KCNIP4: variants seen among roughly 807,000 people sequenced by gnomAD.
The protein encoded by KCNIP4 is potassium voltage-gated channel interacting protein 4.
KCNIP4 carries 12 observed loss-of-function variants against 34.0 expected under a neutral mutation model. That is an observed-to-expected ratio of 0.35 (90% CI 0.23 to 0.57). The LOEUF is 0.57. KCNIP4 is among the 20% of genes least tolerant of loss of function. The probability of loss-of-function intolerance (pLI) is 0.83; values close to 1 mark genes in which losing one functional copy is unlikely to be tolerated. For synonymous variants in KCNIP4, 124 were observed against 102.2 expected (o/e 1.21, Z -1.29); for missense variants, 238 against 311.7 (o/e 0.76, Z 1.78).
intron 3 of KCNIP4, among the ~76,000 whole-genome samples, chr4:20,793,592 T>C (rs1377229442): frequency 6.6e-6 from 1 of 152,176 alleles, no homozygotes; most frequent in Non-Finnish European, 1.5e-5. Flanking sequence ...GGACCAGTTT[T>C]GTGGAAGACA....
At chr4:21,589,513 T>C (rs1037452132) in intron 1 of KCNIP4, among the ~76,000 whole-genome samples, 2 of 151,442 alleles carry the variant, frequency 1.3e-5, no homozygotes, top group Non-Finnish European at 3.0e-5. Flanking sequence ...AATAAAATAT[T>C]AATGCAAAAG....
Position 21,242,375 on chromosome 4 carries a change from AT to A in KCNIP4, c.62-359667del, listed in dbSNP as rs561560294. On this transcript the variant is annotated intron_variant, in intron 1 of 8. Coordinates refer to ENST00000382152, the MANE Select transcript of KCNIP4 (RefSeq NM_025221.6). ...TTAAGACCTTGAGCAAATACAATGCATTTTTTTGAGACTGCCTTATCAGCGG... is the reference window on the plus strand; with the variant it reads ...TTAAGACCTTGAGCAAATACAATGCATTTTTTGAGACTGCCTTATCAGCGG... Among the ~76,000 whole-genome samples, 12 of 152,128 alleles carry A rather than the reference AT, an allele frequency of 7.9e-5. No homozygotes were observed. The South Asian group carries it at 1.7e-3, about 21-fold the overall frequency.
chr4:21,238,578 C>A (rs1230598133), intron 1 of KCNIP4, among the ~76,000 whole-genome samples: 1 of 152,136 alleles, frequency 6.6e-6, no homozygotes, highest in Non-Finnish European at 1.5e-5. Flanking sequence ...CATTCTTATA[C>A]ACCAATAACA....
intron 1 of KCNIP4, among the ~76,000 whole-genome samples, chr4:20,974,445 G>A (rs1457549654): frequency 6.6e-6 from 1 of 152,094 alleles, no homozygotes; most frequent in Non-Finnish European, 1.5e-5. Flanking sequence ...AATGGAGGAA[G>A]GGTGGCACTT....
intron 1 of KCNIP4, chr4:20,984,082 G>A: frequency 1.7e-6 from 2 of 1,211,286 alleles, no homozygotes; most frequent in Non-Finnish European, 2.2e-6. Context: ...GCGGCCCCCC[G>A]GGGTGAGGAC....
chr4:21,341,533 T>G (rs1376905398), intron 1 of KCNIP4, among the ~76,000 whole-genome samples: 1 of 151,774 alleles, frequency 6.6e-6, no homozygotes, highest in Non-Finnish European at 1.5e-5. Context: ...AGTTTAATAT[T>G]ACATTTTAAA....
At chr4:21,245,987 C>G (rs567032974) in intron 1 of KCNIP4, among the ~76,000 whole-genome samples, 1 of 152,230 alleles carries the variant, frequency 6.6e-6, no homozygotes, top group African/African-American at 2.4e-5. Flanking sequence ...CGACATATGA[C>G]AGAAATCTCA....
intron 1 of KCNIP4, among the ~76,000 whole-genome samples, chr4:21,829,321 C>T (rs577446712): frequency 1.3e-5 from 2 of 152,160 alleles, no homozygotes; most frequent in South Asian, 2.1e-4. Context: ...AAAAATAGCA[C>T]TGACACTGAA....
chr4:21,851,032 G>A (rs112801308), intron 1 of KCNIP4: 4 of 152,136 alleles, frequency 2.6e-5, no homozygotes, highest in Non-Finnish European at 5.9e-5. Flanking sequence ...GAAAGAACAC[G>A]ATAACCTAGC....
chr4:21,017,849 A>T (rs1166923524), intron 1 of KCNIP4, among the ~76,000 whole-genome samples: 4 of 152,114 alleles, frequency 2.6e-5, no homozygotes, highest in Non-Finnish European at 5.9e-5. Flanking sequence ...TCTCATCAAC[A>T]TCTGTTGCTT....
chr4:20,970,383 A>T (rs536386904), intron 1 of KCNIP4, among the ~76,000 whole-genome samples: 18 of 152,298 alleles, frequency 1.2e-4, no homozygotes, highest in African/African-American at 4.3e-4. Context: ...TTCATTTCCA[A>T]TAATTTTCAG....
chr4:20,767,377 G>T (rs953228211), intron 3 of KCNIP4: 3 of 152,128 alleles, frequency 2.0e-5, no homozygotes, highest in African/African-American at 7.2e-5. Flanking sequence ...AAACCCAGGA[G>T]CCTCTTATTT....
chr4:21,472,756 G>C (rs983337049), intron 1 of KCNIP4, among the ~76,000 whole-genome samples: 4 of 151,984 alleles, frequency 2.6e-5, no homozygotes, highest in African/African-American at 9.7e-5. Context: ...TTCAATCCTT[G>C]GTTTTTCTCT....
At chr4:21,703,526 T>A (rs1453326822) in intron 1 of KCNIP4, among the ~76,000 whole-genome samples, 1 of 152,122 alleles carries the variant, frequency 6.6e-6, no homozygotes, top group Non-Finnish European at 1.5e-5. Flanking sequence ...CTAGTATAAA[T>A]TAGTGTCTTC....
intron 1 of KCNIP4, among the ~76,000 whole-genome samples, chr4:21,012,386 C>A (rs1052415144): frequency 6.6e-6 from 1 of 152,044 alleles, no homozygotes; most frequent in Admixed American, 6.6e-5. Context: ...CAAGACCAGC[C>A]TGGGCAGCAT....
intron 1 of KCNIP4, among the ~76,000 whole-genome samples, chr4:21,024,289 C>A (rs899298235): frequency 6.6e-6 from 1 of 152,180 alleles, no homozygotes; most frequent in African/African-American, 2.4e-5. Context: ...CCACTCTTGT[C>A]AACCAGAGTC....
chr4:21,813,943 T>C (rs930629844), intron 1 of KCNIP4, among the ~76,000 whole-genome samples: 3 of 152,176 alleles, frequency 2.0e-5, no homozygotes, highest in Admixed American at 1.3e-4. Flanking sequence ...TTAAATATGA[T>C]ACCAAAAGTA....
At chr4:21,573,602 T>G (rs978988221) in intron 1 of KCNIP4, among the ~76,000 whole-genome samples, 1 of 152,168 alleles carries the variant, frequency 6.6e-6, no homozygotes, top group Non-Finnish European at 1.5e-5. Context: ...GGCCAGTAAT[T>G]TTCCTCTGAG....
intron 1 of KCNIP4, among the ~76,000 whole-genome samples, chr4:21,655,202 TCCACATGTTAAAATG>T (rs1257501268): frequency 6.6e-6 from 1 of 152,084 alleles, no homozygotes; most frequent in East Asian, 1.9e-4. Context: ...ATAATGAAAT[TCCACATGTTAAAATG>T]CAGATTTATT....
Sources: gnomAD v4.1 joint callset for allele counts (sites outside exome capture counted in the v4.1 genomes callset) on GRCh38, gnomAD v4.1.1 for gene constraint, MANE v1.5 for transcripts, NCBI Gene and HGNC (gene_info 2026-07-23, HGNC 2026-07-21) for gene names.